PLAC1: variants seen among roughly 807,000 people sequenced by gnomAD.
The protein encoded by PLAC1 is placenta-specific protein 1.
For missense variants in PLAC1, 136 were observed against 163.2 expected, an observed-to-expected ratio of 0.83 and a Z score of 0.91; for synonymous variants, 68 against 62.1, an observed-to-expected ratio of 1.09 and a Z score of -0.44.
intron 2 of PLAC1, among the ~76,000 whole-genome samples, chrX:134,670,452 A>G (rs1455405788): frequency 3.6e-5 from 4 of 111,438 alleles, no homozygotes; most frequent in Non-Finnish European, 5.7e-5. Flanking sequence ...GCAGTCAGGC[A>G]GTCAGTCTCT....
rs750764317 is a variant in PLAC1 at position 134,589,992 on chromosome X, A to C, written c.-59+12059T>G. Among the ~76,000 whole-genome samples the C allele has an allele frequency of 4.7e-5, 5 of 106,995 alleles. No individual in the cohort carries two copies. The Admixed American group carries it at 5.1e-4, about 11-fold the overall frequency. 92.9% of individuals were successfully genotyped at this position (106,995 alleles called of 115,157 possible). A position where few individuals can be genotyped will look rare whatever the true frequency, so the allele number is the denominator to read the frequency against. ...GGGCGGATCACAAGGTCAGGAGATC[A>C]AGACCATCCTGGCTAACATGGTGAA... On this transcript the variant is annotated intron_variant, in intron 2 of 2. Transcript: ENST00000359237.
At chrX:134,721,551 AGAGT>A (rs2147838565) in intron 2 of PLAC1, among the ~76,000 whole-genome samples, 1 of 106,788 alleles carries the variant, frequency 9.4e-6, no homozygotes, top group South Asian at 4.2e-4. Context: ...CCTTGGAAAT[AGAGT>A]GAGAACTTGT....
rs183133468 is a variant in PLAC1 at position 134,687,315 on chromosome X, A to C, written n.174+46120T>G. Reference sequence around the variant, plus strand: ...GTCCAACTCACAGTTCGTGGGCCACATGTGGCCCAGGATGGCTTTGAATGG... The same window carrying C: ...GTCCAACTCACAGTTCGTGGGCCACCTGTGGCCCAGGATGGCTTTGAATGG... On this transcript the variant is annotated intron_variant and non_coding_transcript_variant, in intron 2 of 2. Coordinates refer to the PLAC1 transcript ENST00000466797. 8.0e-5 allele frequency among the ~76,000 whole-genome samples: 9 copies of C among 111,888 alleles called. No individual in the cohort carries two copies. The Admixed American group carries it at 8.5e-4, about 11-fold the overall frequency.
chrX:134,693,988 A>T (rs2078553647), intron 2 of PLAC1, among the ~76,000 whole-genome samples: 1 of 111,897 alleles, frequency 8.9e-6, no homozygotes, highest in Non-Finnish European at 1.9e-5. Context: ...ACTGTGTTTG[A>T]CTTATTGAAA....
At chrX:134,632,463 T>C (rs2078266876) in intron 1 of PLAC1, among the ~76,000 whole-genome samples, 1 of 111,347 alleles carries the variant, frequency 9.0e-6, no homozygotes, top group South Asian at 3.8e-4. Flanking sequence ...CATCCTCCCT[T>C]CTTCTCTGTC....
chrX:134,648,947 T>C (rs2078348277), intron 1 of PLAC1, among the ~76,000 whole-genome samples: 1 of 111,370 alleles, frequency 9.0e-6, no homozygotes. Context: ...AAAAGTGAAA[T>C]GATCTAAACT....
chrX:134,713,230 A>G (rs2078633348), intron 2 of PLAC1, among the ~76,000 whole-genome samples: 1 of 111,978 alleles, frequency 8.9e-6, no homozygotes, highest in Non-Finnish European at 1.9e-5. Flanking sequence ...CCGACCTCAG[A>G]TAAGCCTCAC....
chrX:134,602,461 A>G (rs990845584), intron 1 of PLAC1, among the ~76,000 whole-genome samples: 1 of 112,630 alleles, frequency 8.9e-6, no homozygotes, highest in Admixed American at 9.4e-5. Flanking sequence ...TCTGAAAAAG[A>G]AGACCTACTT....
intron 1 of PLAC1, among the ~76,000 whole-genome samples, chrX:134,636,519 T>C (rs1013393486): frequency 1.8e-5 from 2 of 112,248 alleles, no homozygotes; most frequent in Admixed American, 9.4e-5. Context: ...CAAGATTGTA[T>C]ACAGTTGAAG....
chrX:134,750,927 T>TA (rs1252680575), intron 1 of PLAC1, among the ~76,000 whole-genome samples: 2 of 22,954 alleles, frequency 8.7e-5, no homozygotes, highest in African/African-American at 3.9e-4. Flanking sequence ...ATATATATTT[T>TA]TATATATATA....
At chrX:134,593,383 T>G (rs1410934770) in intron 2 of PLAC1, among the ~76,000 whole-genome samples, 1 of 112,537 alleles carries the variant, frequency 8.9e-6, no homozygotes, top group Non-Finnish European at 1.9e-5. Flanking sequence ...TTTAGCTATT[T>G]GTGTTCCTTT....
intron 2 of PLAC1, among the ~76,000 whole-genome samples, chrX:134,568,342 C>A (rs2077888295): frequency 8.9e-6 from 1 of 112,813 alleles, no homozygotes; most frequent in Non-Finnish European, 1.9e-5. Flanking sequence ...TCTCTTTTTC[C>A]CCAGTTGCAA....
rs1436614095 is a variant in PLAC1 at position 134,565,845 on chromosome X, G to A, written c.*199C>T. 15 of 388,785 alleles carry A rather than the reference G, an allele frequency of 3.9e-5. No individual in the cohort carries two copies. The highest frequency in any genetic ancestry group is 6.6e-5 in the Non-Finnish European group (15 of 227,152). 32.0% of individuals were successfully genotyped at this position (388,785 alleles called of 1,213,427 possible). On this transcript the variant is annotated 3_prime_UTR_variant, in exon 3 of 3. Coordinates refer to ENST00000359237, the MANE Select transcript of PLAC1 (RefSeq NM_021796.4). ...ATAAAAATGCCCAACATATTTTTAT[G>A]CGATCAGAATTTTATTTTATTTTTT...
chrX:134,602,625 T>C (rs890932828), intron 1 of PLAC1, among the ~76,000 whole-genome samples: 1 of 112,163 alleles, frequency 8.9e-6, no homozygotes, highest in Admixed American at 9.5e-5. Flanking sequence ...GGTACATCCA[T>C]GCAGTGGAGT....
At chrX:134,762,209 T>G (rs1376424605) in intron 1 of PLAC1, among the ~76,000 whole-genome samples, 1 of 100,878 alleles carries the variant, frequency 9.9e-6, no homozygotes, top group Non-Finnish European at 2.0e-5. Flanking sequence ...CCCCCCCCAA[T>G]GACCACTTCC....
intron 1 of PLAC1, among the ~76,000 whole-genome samples, chrX:134,605,095 G>A (rs1023314779): frequency 2.2e-4 from 25 of 111,366 alleles, no homozygotes; most frequent in African/African-American, 8.2e-4. Flanking sequence ...CCTCCTATCA[G>A]TGCTCCCTCT....
At chrX:134,597,655 G>A (rs1356727016) in intron 2 of PLAC1, among the ~76,000 whole-genome samples, 1 of 111,827 alleles carries the variant, frequency 8.9e-6, no homozygotes, top group African/African-American at 3.2e-5. Flanking sequence ...AAACTGGAAG[G>A]GTTGCCTTGT....
intron 1 of PLAC1, among the ~76,000 whole-genome samples, chrX:134,632,369 C>T (rs895402156): frequency 2.7e-5 from 3 of 112,000 alleles, no homozygotes; most frequent in Non-Finnish European, 5.6e-5. Context: ...ACTTTGGTTC[C>T]ACAGTCCTTT....
At chrX:134,641,676 G>A (rs2078308346) in intron 1 of PLAC1, among the ~76,000 whole-genome samples, 1 of 111,716 alleles carries the variant, frequency 9.0e-6, no homozygotes, top group African/African-American at 3.3e-5. Context: ...ACGTGGGCAG[G>A]AGCCAGCCCT....
Sources: gnomAD v4.1 joint callset for allele counts (sites outside exome capture counted in the v4.1 genomes callset) on GRCh38, gnomAD v4.1.1 for gene constraint, MANE v1.5 for transcripts, NCBI Gene and HGNC (gene_info 2026-07-23, HGNC 2026-07-21) for gene names.